PURG: variants seen among roughly 807,000 people sequenced by gnomAD.
The protein encoded by PURG is purine-rich element-binding protein gamma.
A neutral mutation model predicts 24.3 loss-of-function variants in PURG; 3 were observed. The ratio of observed to expected loss-of-function variants is 0.12; its 90% CI spans 0.06 to 0.32. The LOEUF is 0.32. Among genes scored for constraint, PURG ranks in the 10% least tolerant of loss-of-function variants. The pLI is 1.00. For missense variants in PURG, 371 were observed against 439.1 expected (o/e 0.84, Z 1.39); for synonymous variants, 180 against 173.1 (o/e 1.04, Z -0.31).
At chr8:31,022,207 G>A (rs12679005) in intron 1 of PURG, among the ~76,000 whole-genome samples, 2 of 152,126 alleles carry the variant, frequency 1.3e-5, no homozygotes, top group Non-Finnish European at 2.9e-5. Flanking sequence ...CTGAACTTAA[G>A]TGATCCGCCC....
downstream of PURG, among the ~76,000 whole-genome samples, chr8:31,029,514 G>A (rs1357673554): frequency 2.6e-5 from 4 of 151,684 alleles, no homozygotes; most frequent in East Asian, 1.9e-4. Context: ...ACATATGTCT[G>A]TGTGTATATA....
downstream of PURG, among the ~76,000 whole-genome samples, chr8:31,027,263 T>C (rs758176761): frequency 2.0e-5 from 3 of 151,762 alleles, no homozygotes; most frequent in Non-Finnish European, 3.0e-5. Context: ...TTGTCAAAGA[T>C]GTTTGGTGTT....
At chr8:30,996,516 T>C in exon 2 of PURG, 2 of 1,082,466 alleles carry the variant, frequency 1.8e-6, no homozygotes. Context: ...ACTGAGGCCT[T>C]ACATTCATGA....
intron 1 of PURG, among the ~76,000 whole-genome samples, chr8:31,023,151 G>A (rs1446309638): frequency 6.6e-6 from 1 of 152,126 alleles, no homozygotes; most frequent in African/African-American, 2.4e-5. Flanking sequence ...TTGAGAAGAG[G>A]GAGGAGAAAA....
At chr8:30,996,494 G>A (rs912236075) in exon 2 of PURG, 2 of 791,034 alleles carry the variant, frequency 2.5e-6, no homozygotes, top group Non-Finnish European at 4.1e-6. Flanking sequence ...CTTCCGTGGA[G>A]GAATGTCAAG....
intron 1 of PURG, among the ~76,000 whole-genome samples, chr8:31,009,295 A>T (rs1810720113): frequency 6.6e-6 from 1 of 152,110 alleles, no homozygotes; most frequent in Non-Finnish European, 1.5e-5. Context: ...GCGTGGTGAC[A>T]TACACCTGTA....
At chr8:31,020,084 T>C (rs929973172) in intron 1 of PURG, among the ~76,000 whole-genome samples, 1 of 151,982 alleles carries the variant, frequency 6.6e-6, no homozygotes, top group African/African-American at 2.4e-5. Context: ...GGCTGGAGAA[T>C]CGCTTGAACC....
intron 1 of PURG, among the ~76,000 whole-genome samples, chr8:31,022,178 T>G (rs1425710688): frequency 6.6e-6 from 1 of 151,934 alleles, no homozygotes; most frequent in Non-Finnish European, 1.5e-5. Context: ...ACCATGTTGG[T>G]CAGGCTGGTC....
rs1167647498 is a variant in PURG, at chr8:31,013,313, C to T, written c.865-16616G>A. Among the ~76,000 whole-genome samples the T allele has an allele frequency of 3.3e-5, 5 of 152,244 alleles. No homozygotes were observed. The South Asian group carries it at 6.2e-4, about 19-fold the overall frequency. ...CTTGAAGAAAAATAATGCAAACTAA[C>T]TTTAGTCATTATAAATCTTACAGTC... On this transcript the variant is annotated intron_variant, in intron 1 of 1. Transcript: ENST00000339382.
chr8:31,019,929 G>A (rs140548177), intron 1 of PURG, among the ~76,000 whole-genome samples: 4,868 of 151,882 alleles, frequency 0.032, 88 homozygotes, highest in Non-Finnish European at 0.036. Flanking sequence ...CCACCACTTT[G>A]GGAGGCCAAG....
chr8:31,014,151 A>G (rs994933063), intron 1 of PURG, among the ~76,000 whole-genome samples: 3 of 152,242 alleles, frequency 2.0e-5, no homozygotes, highest in South Asian at 4.1e-4. Flanking sequence ...GTTCAATACA[A>G]ATAGCATTTT....
At chr8:31,013,125 TTAACAGAGG>T (rs1810794714) in intron 1 of PURG, among the ~76,000 whole-genome samples, 1 of 152,146 alleles carries the variant, frequency 6.6e-6, no homozygotes, top group South Asian at 2.1e-4. Context: ...GCAAATCACC[TTAACAGAGG>T]GCACTGCTTG....
chr8:31,011,211 G>A (rs1810757454), intron 1 of PURG, among the ~76,000 whole-genome samples: 1 of 152,150 alleles, frequency 6.6e-6, no homozygotes, highest in Admixed American at 6.5e-5. Flanking sequence ...GGGCAGGAAG[G>A]GCTAACATGT....
rs28373435 is a variant in PURG, at chr8:31,014,674, T to C, written c.864+17245A>G. Among the ~76,000 whole-genome samples the C allele has an allele frequency of 5.6e-3, 851 of 152,326 alleles. 5 individuals are homozygous for C. The highest frequency in any genetic ancestry group is 0.02 in the African/African-American group (820 of 41,572). On this transcript the variant is annotated intron_variant, in intron 1 of 1. Transcript: ENST00000339382. ...AAATCATTTAGTAAACACTAATTTG[T>C]CAAATTCCAGAAAAACTTCCAATCT...
At chr8:31,006,850 T>A (rs16877637) in intron 1 of PURG, among the ~76,000 whole-genome samples, 2,473 of 152,312 alleles carry the variant, frequency 0.016, 57 homozygotes, top group African/African-American at 0.056. Context: ...ACACAGTGTC[T>A]TCTAACTCAA....
In PURG at chr8:31,015,750, T is replaced by C. The variant is rs189353828; in HGVS notation, c.864+16169A>G. On this transcript the variant is annotated intron_variant, in intron 1 of 1. Coordinates refer to the PURG transcript ENST00000339382. The stretch of plus-strand genomic sequence containing the variant: ...CCTGGATTTATGCATTTAGCCTCTC[T>C]GTGTTTAAAGTGAGCCCTGGCCGGG... 1.2e-3 allele frequency among the ~76,000 whole-genome samples: 177 copies of C among 152,324 alleles called. 1 individual carries two copies. Among genetic ancestry groups the C allele is most frequent in the Admixed American group, 1.9e-3 (29 of 15,296 alleles).
intron 1 of PURG, among the ~76,000 whole-genome samples, chr8:31,016,628 A>G (rs1810877509): frequency 6.7e-6 from 1 of 148,812 alleles, no homozygotes; most frequent in Admixed American, 6.7e-5. Context: ...GCAAGTCCAC[A>G]GTCTAAGTGA....
chr8:31,014,140 G>T (rs7827210), intron 1 of PURG, among the ~76,000 whole-genome samples: 16 of 152,014 alleles, frequency 1.1e-4, no homozygotes, highest in African/African-American at 3.6e-4. Context: ...TATTTAAAAT[G>T]GTTCAATACA....
intron 1 of PURG, among the ~76,000 whole-genome samples, chr8:31,001,248 T>G (rs544875331): frequency 5.3e-4 from 80 of 152,358 alleles, no homozygotes; most frequent in Middle Eastern, 3.4e-3. Context: ...AGCTTTTCCC[T>G]GGTAATAGTC....
Sources: gnomAD v4.1 joint callset for allele counts (sites outside exome capture counted in the v4.1 genomes callset) on GRCh38, gnomAD v4.1.1 for gene constraint, MANE v1.5 for transcripts, NCBI Gene and HGNC (gene_info 2026-07-23, HGNC 2026-07-21) for gene names.